Variants in KCNS1 observed in about 807,000 individuals in gnomAD.
KCNS1 encodes the protein delayed-rectifier potassium channel regulatory subunit KCNS1.
KCNS1 carries 26 observed loss-of-function variants against 33.1 expected under a neutral mutation model. The observed-to-expected ratio is 0.79, with a 90% confidence interval of 0.58 to 1.09. The LOEUF is 1.09. Among genes scored for constraint, KCNS1 ranks in the 50% least tolerant of loss-of-function variants. KCNS1 has a pLI of 0.00. For missense variants in KCNS1, 702 were observed against 752.4 expected (o/e 0.93, Z 0.78); for synonymous variants, 299 against 338.8 (o/e 0.88, Z 1.29).
intron 3 of KCNS1, among the ~76,000 whole-genome samples, chr20:45,096,674 T>C (rs538822715): frequency 3.9e-5 from 6 of 152,314 alleles, no homozygotes; most frequent in African/African-American, 9.6e-5. Context: ...CTACTGCTTA[T>C]TGAGGAACCT....
Position 45,098,778 on chromosome 20 carries a change from AC to A in KCNS1, c.77-84del. On this transcript the variant is annotated intron_variant, in intron 2 of 3. Coordinates refer to ENST00000537075, the MANE Select transcript of KCNS1 (RefSeq NM_001322799.2). The surrounding 1 kb of genome is among the most constrained non-coding windows in gnomAD (Gnocchi z 5.2). ...AGGTTAAAATCCCCTCCTCCATCCA[AC>A]CAGCCAAGGGGTGTTGGAGGCTGTG... The A allele has an allele frequency of 8.4e-7, 1 of 1,190,158 alleles. No homozygotes were observed. The highest frequency in any genetic ancestry group is 1.1e-6 in the Non-Finnish European group (1 of 931,850). The allele number at this position is 1,190,158 out of a possible 1,614,324, so 73.7% of individuals were successfully genotyped here.
rs1285420387 is a variant in KCNS1, at chr20:45,098,186, C to T, written c.586G>A (p.Ala196Thr). The T allele has an allele frequency of 3.1e-6, 5 of 1,603,464 alleles. No individual in the cohort carries two copies. The African/African-American group carries it at 6.7e-5, about 21-fold the overall frequency. Residue 196 changes from alanine (A) to threonine (T), a missense_variant, in exon 3 of 4, where the codon GCG (alanine) becomes ACG (threonine). By Grantham distance (58) the Ala-to-Thr change is moderately conservative. Transcript: ENST00000537075. This position sits in a 1 kb window ranked among gnomAD's most constrained non-coding sequence, Gnocchi z 5.2. ...DVQRELARYG[A>T]ARCGRLRRRL... Reference sequence around the variant, plus strand: ...CGGCGCAGGCGGCCACAGCGCGCCGCGCCATAGCGCGCCAGTTCTCGCTGC... The same window carrying T: ...CGGCGCAGGCGGCCACAGCGCGCCGTGCCATAGCGCGCCAGTTCTCGCTGC...
chr20:45,098,181 C>G lies in KCNS1; in HGVS notation c.591G>C (p.Ala197=). Residue 197 remains alanine (A), a synonymous_variant, in exon 3 of 4, where the codon GCG becomes GCC. Transcript: ENST00000537075. This position sits in a 1 kb window ranked among gnomAD's most constrained non-coding sequence, Gnocchi z 5.2. ...GGCGGCGGCGCAGGCGGCCACAGCGCGCCGCGCCATAGCGCGCCAGTTCTC... is the reference window on the plus strand; with the variant it reads ...GGCGGCGGCGCAGGCGGCCACAGCGGGCCGCGCCATAGCGCGCCAGTTCTC... ...VQRELARYGA[A]RCGRLRRRLW... 6.2e-7 allele frequency: 1 copy of G among 1,603,418 alleles called. No individual in the cohort carries two copies. The highest frequency in any genetic ancestry group is 8.5e-7 in the Non-Finnish European group (1 of 1,176,036).
At position 45,098,793 on chromosome 20, in the gene KCNS1, T is replaced by C. The variant is rs1600602415; in HGVS notation, c.77-98A>G. 2 of 1,156,778 alleles carry C rather than the reference T, an allele frequency of 1.7e-6. No homozygotes were observed. The highest frequency in any genetic ancestry group is 2.2e-6 in the Non-Finnish European group (2 of 891,366). 71.7% of individuals were successfully genotyped at this position (1,156,778 alleles called of 1,614,324 possible). On this transcript the variant is annotated intron_variant, in intron 2 of 3. Transcript: ENST00000537075. This position sits in a 1 kb window ranked among gnomAD's most constrained non-coding sequence, Gnocchi z 5.2. ...CCTCCATCCAACCAGCCAAGGGGTG[T>C]TGGAGGCTGTGTGTGAAGCATCTGG...
chr20:45,100,517 A>G (rs1981356814), intron 1 of KCNS1, among the ~76,000 whole-genome samples: 1 of 152,212 alleles, frequency 6.6e-6, no homozygotes, highest in Non-Finnish European at 1.5e-5. Flanking sequence ...AAGAACCTGA[A>G]TATCAGTAAG....
Position 45,098,636 on chromosome 20 carries a change from G to A in KCNS1, c.136C>T (p.Arg46Trp). 3 of 1,471,814 alleles carry A rather than the reference G, an allele frequency of 2.0e-6. No individual in the cohort carries two copies. Among genetic ancestry groups the A allele is most frequent in the Non-Finnish European group, 2.7e-6 (3 of 1,112,614 alleles). The allele number at this position is 1,471,814 out of a possible 1,614,324, so 91.2% of individuals were successfully genotyped here. A position where few individuals can be genotyped will look rare whatever the true frequency, so the allele number is the denominator to read the frequency against. The change falls in exon 3 of 4, where the codon CGG becomes TGG. Residue 46 changes from arginine (R) to tryptophan (W), a missense_variant. Arg to Trp is a moderately radical substitution (Grantham distance 101). Coordinates refer to ENST00000537075, the MANE Select transcript of KCNS1 (RefSeq NM_001322799.2). This position sits in a 1 kb window ranked among gnomAD's most constrained non-coding sequence, Gnocchi z 5.2. ...FPGPDTGIRW[R>W]RSDEALRVNV... ...ACGCGCAGCGCCTCGTCGCTTCGCC[G>A]CCAGCGGATCCCGGTGTCGGGGCCC...
In KCNS1 at chr20:45,097,655, G is replaced by A. The variant is rs1981225490; in HGVS notation, c.1110+7C>T. 1.3e-6 allele frequency: 2 copies of A among 1,598,340 alleles called. No homozygotes were observed. Among genetic ancestry groups the A allele is most frequent in the Non-Finnish European group, 1.7e-6 (2 of 1,177,016 alleles). Reference sequence around the variant, plus strand: ...CCCCAGCTCCAACCTGGCCTCAGAGGCCGTACCTTGAGCGTGGCTCCCAGC... The same window carrying A: ...CCCCAGCTCCAACCTGGCCTCAGAGACCGTACCTTGAGCGTGGCTCCCAGC... On this transcript the variant is annotated splice_region_variant and intron_variant, in intron 3 of 3. Coordinates refer to ENST00000537075, the MANE Select transcript of KCNS1 (RefSeq NM_001322799.2).
chr20:45,098,936 C>G lies in KCNS1; in HGVS notation c.76+225G>C, dbSNP rs1981308621. On this transcript the variant is annotated intron_variant, in intron 2 of 3. Coordinates refer to ENST00000537075, the MANE Select transcript of KCNS1 (RefSeq NM_001322799.2). The surrounding 1 kb of genome is among the most constrained non-coding windows in gnomAD (Gnocchi z 5.2). ...GCCAAATCACTGACCCACCCCACCC[C>G]CATTTCATTTTTCTCCTTTGGAAAG... 6.6e-6 allele frequency among the ~76,000 whole-genome samples: 1 copy of G among 152,298 alleles called. No homozygotes were observed. Among genetic ancestry groups the G allele is most frequent in the Non-Finnish European group, 1.5e-5 (1 of 68,030 alleles).
rs750286854 is a variant in KCNS1 at position 45,098,668 on chromosome 20, T to C, written c.104A>G (p.Glu35Gly). 2.1e-6 allele frequency: 3 copies of C among 1,451,380 alleles called. No individual in the cohort carries two copies. The African/African-American group carries it at 4.4e-5, about 21-fold the overall frequency. The allele number at this position is 1,451,380 out of a possible 1,614,324, so 89.9% of individuals were successfully genotyped here. A position where few individuals can be genotyped will look rare whatever the true frequency, so the allele number is the denominator to read the frequency against. Residue 35 changes from glutamate (E) to glycine (G), a missense_variant, in exon 3 of 4, where the codon GAG (glutamate) becomes GGG (glycine). Glu to Gly is a moderately conservative substitution (Grantham distance 98, BLOSUM62 -2). This residue lies in a region of KCNS1 where 374 missense variants were observed against 352.3 expected (regional missense o/e 1.06). Coordinates refer to ENST00000537075, the MANE Select transcript of KCNS1 (RefSeq NM_001322799.2). The surrounding 1 kb of genome is among the most constrained non-coding windows in gnomAD (Gnocchi z 5.2). ...GATCCCGGTGTCGGGGCCCGGGAAC[T>C]CGCTCACAAAGGTTTCAGTGCTCCT... is the stretch of plus-strand genomic sequence containing the variant. ...GGRSTETFVSEFPGPDTGIRW... is the reference protein window; with the variant it reads ...GGRSTETFVSGFPGPDTGIRW...
Position 45,098,076 on chromosome 20 carries a change from G to A in KCNS1, c.696C>T (p.Ala232=), listed in dbSNP as rs1210338240. The change falls in exon 3 of 4, where the codon GCC becomes GCT. Residue 232 remains alanine, a synonymous_variant. Coordinates refer to ENST00000537075, the MANE Select transcript of KCNS1 (RefSeq NM_001322799.2). This position sits in a 1 kb window ranked among gnomAD's most constrained non-coding sequence, Gnocchi z 5.2. ...FSCVSISVVL[A]SIAAMCIHSL... ...TGTGGATGCACATGGCGGCGATGGAGGCGAGCACCACGCTGATGGAGACGC... is the reference window on the plus strand; with the variant it reads ...TGTGGATGCACATGGCGGCGATGGAAGCGAGCACCACGCTGATGGAGACGC... 6.4e-7 allele frequency: 1 copy of A among 1,560,058 alleles called. No homozygotes were observed. The highest frequency in any genetic ancestry group is 1.9e-5 in the Admixed American group (1 of 52,282).
Position 45,098,490 on chromosome 20 carries a change from GT to G in KCNS1, c.281del (p.Asp94AlafsTer19). On this transcript the variant is annotated frameshift_variant, in exon 3 of 4. Transcript: ENST00000537075. LOFTEE classifies it high-confidence loss of function. The surrounding 1 kb of genome is among the most constrained non-coding windows in gnomAD (Gnocchi z 5.2). ...AGAATTCGCGCGCCGCCTCGTCGTAGTCGTCGCACAGGCGCCGCGCCTGCTC... is the reference window on the plus strand; with the variant it reads ...AGAATTCGCGCGCCGCCTCGTCGTAGCGTCGCACAGGCGCCGCGCCTGCTC... ...SEEQARRLCDDYDEAAREFYF... is the reference protein window; with the variant it reads ...SEEQARRLCDXYDEAAREFYF... The G allele has an allele frequency of 6.4e-7, 1 of 1,554,030 alleles. No individual in the cohort carries two copies. The highest frequency in any genetic ancestry group is 8.7e-7 in the Non-Finnish European group (1 of 1,150,476).
At chr20:45,096,308 G>C (rs1477481185) in intron 3 of KCNS1, among the ~76,000 whole-genome samples, 1 of 152,166 alleles carries the variant, frequency 6.6e-6, no homozygotes, top group Non-Finnish European at 1.5e-5. Flanking sequence ...TGGCAGCTCT[G>C]ATTAGTAATA....
chr20:45,098,308 C>T lies in KCNS1; in HGVS notation c.464G>A (p.Arg155His). The T allele has an allele frequency of 1.3e-6, 2 of 1,576,398 alleles. No individual in the cohort carries two copies. The highest frequency in any genetic ancestry group is 8.6e-7 in the Non-Finnish European group (1 of 1,163,336). Residue 155 changes from arginine (R) to histidine (H), a missense_variant, in exon 3 of 4, where the codon CGC becomes CAC. Physicochemically the swap from Arg to His is conservative, Grantham distance 29 (BLOSUM62 0). Coordinates refer to ENST00000537075, the MANE Select transcript of KCNS1 (RefSeq NM_001322799.2). The surrounding 1 kb of genome is among the most constrained non-coding windows in gnomAD (Gnocchi z 5.2). ...CTGGGTCAGCCGCCTCTCCAGGTAG[C>T]GCGCGCGGCAGCACGCGGCAAGCGC... is the stretch of plus-strand genomic sequence containing the variant. ...ENALAACCRA[R>H]YLERRLTQPH...
intron 3 of KCNS1, 26 bp downstream of exon 3, chr20:45,097,636 C>T (rs1325325002): frequency 4.1e-5 from 65 of 1,580,724 alleles, no homozygotes; most frequent in Non-Finnish European, 5.6e-5. Flanking sequence ...CCCACCCCAG[C>T]TCCAACCTGG....
rs763600774 is a variant in KCNS1, at chr20:45,098,644, A to C, written c.128T>G (p.Ile43Ser). 245 of 1,474,226 alleles carry C rather than the reference A, an allele frequency of 1.7e-4. No individual in the cohort carries two copies. In the Middle Eastern group the frequency reaches 5.6e-3, roughly 34 times the overall value. 91.3% of individuals were successfully genotyped at this position (1,474,226 alleles called of 1,614,324 possible). A position where few individuals can be genotyped will look rare whatever the true frequency, so the allele number is the denominator to read the frequency against. The change falls in exon 3 of 4, where the codon ATC becomes AGC. Residue 43 changes from isoleucine (I) to serine (S), a missense_variant. Physicochemically the swap from Ile to Ser is moderately radical, Grantham distance 142 (BLOSUM62 -2). Around this residue, in one of 3 missense-constraint regions of KCNS1, gnomAD observed 374 missense variants for 352.3 expected, o/e 1.06. Transcript: ENST00000537075. This position sits in a 1 kb window ranked among gnomAD's most constrained non-coding sequence, Gnocchi z 5.2. ...VSEFPGPDTG[I>S]RWRRSDEALR... ...CGCCTCGTCGCTTCGCCGCCAGCGG[A>C]TCCCGGTGTCGGGGCCCGGGAACTC... is the stretch of plus-strand genomic sequence containing the variant.
In KCNS1 at chr20:45,095,286, C is replaced by T; in HGVS notation, c.1165G>A (p.Val389Met). 2.5e-6 allele frequency: 4 copies of T among 1,614,074 alleles called. No homozygotes were observed. Among genetic ancestry groups the T allele is most frequent in the South Asian group, 1.1e-5 (1 of 91,084 alleles). The change falls in exon 4 of 4, where the codon GTG becomes ATG. Residue 389 changes from valine (V) to methionine (M), a missense_variant. Physicochemically the swap from Val to Met is conservative, Grantham distance 21 (BLOSUM62 1). Transcript: ENST00000537075. ...LLLYLAVGVSVFSGVAYTAEK... is the reference protein window; with the variant it reads ...LLLYLAVGVSMFSGVAYTAEK... ...GCTGTGTAGGCCACACCAGAGAACACTGACACACCCACAGCCAGGTACAGC... is the reference window on the plus strand; with the variant it reads ...GCTGTGTAGGCCACACCAGAGAACATTGACACACCCACAGCCAGGTACAGC...
rs1439458332 is a variant in KCNS1 at position 45,098,541 on chromosome 20, GC to G, written c.230del (p.Gly77AlafsTer36). The part of the protein sequence containing the change: ...ALARFPGTRL[G>X]RLQAAASEEQ... The stretch of plus-strand genomic sequence containing the variant: ...CCTCCGACGCCGCGGCCTGCAGGCG[GC>G]CCAGCCGCGTGCCCGGGAAGCGCGC... On this transcript the variant is annotated frameshift_variant, in exon 3 of 4. Coordinates refer to ENST00000537075, the MANE Select transcript of KCNS1 (RefSeq NM_001322799.2). LOFTEE classifies it high-confidence loss of function. The surrounding 1 kb of genome is among the most constrained non-coding windows in gnomAD (Gnocchi z 5.2). The G allele has an allele frequency of 7.0e-7, 1 of 1,434,832 alleles. No individual in the cohort carries two copies. The highest frequency in any genetic ancestry group is 1.5e-5 in the South Asian group (1 of 68,514). 88.9% of individuals were successfully genotyped at this position (1,434,832 alleles called of 1,614,324 possible). A position where few individuals can be genotyped will look rare whatever the true frequency, so the allele number is the denominator to read the frequency against.
chr20:45,094,860 A>G lies in KCNS1; in HGVS notation c.*10T>C. On this transcript the variant is annotated 3_prime_UTR_variant, in exon 4 of 4. Coordinates refer to ENST00000537075, the MANE Select transcript of KCNS1 (RefSeq NM_001322799.2). ...GTAGGGGCATGGCAGGGGGTCACGG[A>G]TCCCTGGTTTTAATACATCTGAGGG... is the stretch of plus-strand genomic sequence containing the variant. The G allele has an allele frequency of 6.3e-7, 1 of 1,596,116 alleles. No individual in the cohort carries two copies. Among genetic ancestry groups the G allele is most frequent in the Non-Finnish European group, 8.6e-7 (1 of 1,168,682 alleles).
At chr20:45,100,816 C>T (rs371438718) in intron 1 of KCNS1, 105 bp downstream of exon 1, 8 of 154,098 alleles carry the variant, frequency 5.2e-5, no homozygotes, top group African/African-American at 1.9e-4. Context: ...TGGGGGGTCT[C>T]TTAGAGGGGG....
Sources: allele counts gnomAD v4.1 joint callset (sites outside exome capture counted in the v4.1 genomes callset), GRCh38; gene constraint gnomAD v4.1.1; regional missense constraint gnomAD v4.1.1; non-coding constraint Gnocchi (gnomAD v3.1); transcripts MANE v1.5; gene names NCBI Gene and HGNC (gene_info 2026-07-23, HGNC 2026-07-21).